MAP4K4: variants seen among roughly 807,000 people sequenced by gnomAD.
MAP4K4 encodes the protein mitogen-activated protein kinase kinase kinase kinase 4.
MAP4K4 carries 38 observed loss-of-function variants against 189.6 expected under a neutral mutation model. The observed-to-expected ratio is 0.20, with a 90% CI of 0.15 to 0.26. MAP4K4 has a LOEUF of 0.26. MAP4K4 is among the 10% of genes least tolerant of loss of function. The pLI, the probability that MAP4K4 is intolerant of heterozygous loss-of-function variation, is 1.00. For missense variants in MAP4K4, 1,054 were observed against 1,726.9 expected (o/e 0.61, Z 6.91); for synonymous variants, 610 against 624.3 (o/e 0.98, Z 0.34).
At chr2:101,862,106 G>C (rs556966373) in intron 16 of MAP4K4, 140 of 151,960 alleles carry the variant, frequency 9.2e-4, no homozygotes, top group African/African-American at 3.2e-3. Flanking sequence ...GTGGTGGCAG[G>C]CACCTGTAAT....
At chr2:101,857,498 G>T (rs763714287) in intron 13 of MAP4K4, among the ~76,000 whole-genome samples, 2 of 152,180 alleles carry the variant, frequency 1.3e-5, no homozygotes, top group Non-Finnish European at 2.9e-5. Flanking sequence ...GATCTTTCGA[G>T]TTAAGATTTA....
intron 3 of MAP4K4, among the ~76,000 whole-genome samples, chr2:101,792,058 AT>A (rs1469349842): frequency 6.6e-6 from 1 of 152,184 alleles, no homozygotes; most frequent in Non-Finnish European, 1.5e-5. Flanking sequence ...TTTTAAGGTG[AT>A]TTTAAATTTT....
rs544084776 is a variant in MAP4K4 at position 101,877,168 on chromosome 2, C to T, written c.3385+22C>T. On this transcript the variant is annotated intron_variant, in intron 27 of 32. Coordinates refer to ENST00000324219, the Ensembl canonical transcript of MAP4K4. ...TCTGGTGAGTGTTTGTTTTGTAAAC[C>T]AGAATATGTGACACCATCTTAACAA... 36 of 1,612,454 alleles carry T rather than the reference C, an allele frequency of 2.2e-5. No individual in the cohort carries two copies. In the African/African-American group the frequency reaches 4.3e-4, roughly 19 times the overall value.
intron 9 of MAP4K4, among the ~76,000 whole-genome samples, chr2:101,837,222 T>G (rs1314533992): frequency 6.6e-6 from 1 of 152,114 alleles, no homozygotes. Flanking sequence ...ATTCTGAGTT[T>G]GGCCTTCAGC....
chr2:101,738,298 C>G (rs1210242193), intron 2 of MAP4K4, among the ~76,000 whole-genome samples: 1 of 152,114 alleles, frequency 6.6e-6, no homozygotes, highest in Non-Finnish European at 1.5e-5. Context: ...AGCTTCTGAT[C>G]AGAAACTGAC....
intron 2 of MAP4K4, among the ~76,000 whole-genome samples, chr2:101,732,702 C>T (rs2058994143): frequency 6.6e-6 from 1 of 152,178 alleles, no homozygotes; most frequent in Non-Finnish European, 1.5e-5. Context: ...CTATCTCCTG[C>T]CTCAGCCTCC....
chr2:101,764,169 G>T (rs2077605538), intron 2 of MAP4K4, among the ~76,000 whole-genome samples: 1 of 152,088 alleles, frequency 6.6e-6, no homozygotes, highest in South Asian at 2.1e-4. Flanking sequence ...GATTGTGCAT[G>T]TATGTATGTG....
chr2:101,707,699 T>G (rs1202531729), intron 2 of MAP4K4, among the ~76,000 whole-genome samples: 7 of 118,924 alleles, frequency 5.9e-5, no homozygotes, highest in African/African-American at 1.4e-4. Flanking sequence ...TTTTGTTTTT[T>G]TTTTTTTTTG....
intron 2 of MAP4K4, among the ~76,000 whole-genome samples, chr2:101,748,007 C>T (rs2066529524): frequency 6.6e-6 from 1 of 152,138 alleles, no homozygotes; most frequent in South Asian, 2.1e-4. Context: ...AGCAAAATGA[C>T]TTTTAATGTC....
intron 12 of MAP4K4, among the ~76,000 whole-genome samples, chr2:101,847,273 T>A (rs1202664326): frequency 6.6e-6 from 1 of 152,182 alleles, no homozygotes; most frequent in Admixed American, 6.5e-5. Flanking sequence ...TGTTACTGGG[T>A]TTATGTATTT....
chr2:101,770,234 A>C (rs1343935274), intron 2 of MAP4K4, among the ~76,000 whole-genome samples: 6 of 139,502 alleles, frequency 4.3e-5, no homozygotes, highest in Non-Finnish European at 9.2e-5. Flanking sequence ...ACTTTTGTTC[A>C]TTCTGATTTT....
At chr2:101,875,904 A>ATGACG (rs1212145858) in intron 26 of MAP4K4, among the ~76,000 whole-genome samples, 2 of 152,238 alleles carry the variant, frequency 1.3e-5, no homozygotes, top group African/African-American at 4.8e-5. Context: ...GAAGATAGTC[A>ATGACG]TGACGTGAGT....
Position 101,874,271 on chromosome 2 carries a change from C to T in MAP4K4, c.3241+19C>T. 6.3e-7 allele frequency: 1 copy of T among 1,592,464 alleles called. No homozygotes were observed. ...TTATGGGGTAGGTGTCTAGCCACTA[C>T]TCCAACACTTTCATTTTTGTTCTGA... On this transcript the variant is annotated intron_variant, in intron 26 of 32. Coordinates refer to ENST00000324219, the Ensembl canonical transcript of MAP4K4.
chr2:101,894,077 G>A (rs1352047667), exon 33 of MAP4K4: 2 of 152,326 alleles, frequency 1.3e-5, no homozygotes, highest in African/African-American at 2.4e-5. Context: ...GGGAGTCGTC[G>A]AAATGTTTAG....
intron 2 of MAP4K4, among the ~76,000 whole-genome samples, chr2:101,771,664 A>G (rs192620538): frequency 9.7e-4 from 148 of 152,278 alleles, no homozygotes; most frequent in Non-Finnish European, 1.8e-3. Flanking sequence ...AGGCCGCGCA[A>G]TGTGCAGACA....
intron 2 of MAP4K4, among the ~76,000 whole-genome samples, chr2:101,738,588 T>C (rs2149719949): frequency 6.6e-6 from 1 of 152,120 alleles, no homozygotes; most frequent in East Asian, 1.9e-4. Context: ...GCAGAAGGTT[T>C]TTTTTGGCCC....
intron 2 of MAP4K4, among the ~76,000 whole-genome samples, chr2:101,729,098 G>A (rs2057113447): frequency 7.4e-6 from 1 of 135,800 alleles, no homozygotes; most frequent in Admixed American, 7.6e-5. Flanking sequence ...GAGAGAGAGA[G>A]AGAGTGTGTG....
chr2:101,795,418 A>G (rs960895988), intron 3 of MAP4K4, among the ~76,000 whole-genome samples: 6 of 152,218 alleles, frequency 3.9e-5, no homozygotes, highest in Admixed American at 1.3e-4. Context: ...TCCTGTGGAC[A>G]TGAGTGGTTT....
chr2:101,747,628 A>C (rs2066317889), intron 2 of MAP4K4, among the ~76,000 whole-genome samples: 1 of 152,208 alleles, frequency 6.6e-6, no homozygotes, highest in Non-Finnish European at 1.5e-5. Context: ...TGGGGACAGA[A>C]GATTGGATGT....
Sources: gnomAD v4.1 joint callset for allele counts (sites outside exome capture counted in the v4.1 genomes callset) on GRCh38, gnomAD v4.1.1 for gene constraint, MANE v1.5 for transcripts, NCBI Gene and HGNC (gene_info 2026-07-23, HGNC 2026-07-21) for gene names.